The following NAALADL2 variants were observed in gnomAD, a reference collection of about 807,000 sequenced individuals.
NAALADL2 encodes the protein N-acetylated alpha-linked acidic dipeptidase like 2, also known as inactive N-acetylated-alpha-linked acidic dipeptidase-like protein 2.
A neutral mutation model predicts 87.2 loss-of-function variants in NAALADL2; 76 were observed. The ratio of observed to expected loss-of-function variants is 0.87; its 90% CI spans 0.72 to 1.05. The LOEUF (loss-of-function observed/expected upper bound fraction) is 1.05. Ranked by LOEUF, NAALADL2 falls within the 50% of genes least tolerant of loss-of-function variation. NAALADL2 has a pLI of 0.00. For synonymous variants in NAALADL2, 354 were observed against 331.0 expected (o/e 1.07, Z -0.75); for missense variants, 1,089 against 945.8 (o/e 1.15, Z -1.99).
At chr3:174,472,594 G>A (rs1480770536) in intron 1 of NAALADL2, among the ~76,000 whole-genome samples, 1 of 152,166 alleles carries the variant, frequency 6.6e-6, no homozygotes, top group Non-Finnish European at 1.5e-5. Context: ...ATTTCATCAA[G>A]TGTGAGGACA....
chr3:174,739,404 G>A (rs1374667356), intron 3 of NAALADL2, among the ~76,000 whole-genome samples: 1 of 152,024 alleles, frequency 6.6e-6, no homozygotes, highest in East Asian at 1.9e-4. Flanking sequence ...GGAGTCACAT[G>A]TGTTATTTTA....
At chr3:174,561,201 CT>C (rs200957982) in intron 2 of NAALADL2, among the ~76,000 whole-genome samples, 26,539 of 130,516 alleles carry the variant, frequency 0.2, 2,042 homozygotes, top group Middle Eastern at 0.23. Flanking sequence ...AATAGGATTC[CT>C]TTTTTTTTTT....
intron 2 of NAALADL2, among the ~76,000 whole-genome samples, chr3:174,592,537 C>T (rs1406945007): frequency 6.6e-6 from 1 of 152,102 alleles, no homozygotes; most frequent in African/African-American, 2.4e-5. Flanking sequence ...ATAGGACTTT[C>T]CCTTAGAATC....
intron 9 of NAALADL2, among the ~76,000 whole-genome samples, chr3:175,545,517 C>T (rs1354659924): frequency 6.6e-6 from 1 of 151,920 alleles, no homozygotes; most frequent in Non-Finnish European, 1.5e-5. Flanking sequence ...TTTGCAGACA[C>T]TTTCCCCCTT....
At chr3:175,069,096 C>T (rs1366680284) in intron 1 of NAALADL2, among the ~76,000 whole-genome samples, 2 of 151,710 alleles carry the variant, frequency 1.3e-5, no homozygotes, top group Non-Finnish European at 2.9e-5. Context: ...AGGACATAGG[C>T]ATGGGCAAGG....
chr3:174,745,159 G>A (rs1184298083), intron 3 of NAALADL2, among the ~76,000 whole-genome samples: 1 of 151,894 alleles, frequency 6.6e-6, no homozygotes, highest in Non-Finnish European at 1.5e-5. Flanking sequence ...GAGTCCAGGA[G>A]CTGGTTTTTG....
At chr3:175,130,826 A>C (rs1241092882) in intron 2 of NAALADL2, among the ~76,000 whole-genome samples, 1 of 152,182 alleles carries the variant, frequency 6.6e-6, no homozygotes, top group Non-Finnish European at 1.5e-5. Flanking sequence ...ATATAGTTTG[A>C]AATCAGGACA....
At chr3:175,338,519 C>T (rs896460777) in intron 5 of NAALADL2, among the ~76,000 whole-genome samples, 2 of 150,474 alleles carry the variant, frequency 1.3e-5, no homozygotes, top group African/African-American at 2.4e-5. Flanking sequence ...TATCAGGACC[C>T]CAGTTTTATA....
intron 4 of NAALADL2, 86 bp from the exon 5 acceptor site, chr3:175,324,089 T>A: frequency 1.1e-6 from 1 of 944,904 alleles, no homozygotes; most frequent in Non-Finnish European, 1.6e-6. Context: ...AAGAGTCATC[T>A]TATCATAGCC....
rs551669344 is a variant in NAALADL2, at chr3:175,077,776, A to T, written c.44-19014A>T. Among the ~76,000 whole-genome samples, 14 of 152,224 alleles carry T rather than the reference A, an allele frequency of 9.2e-5. No individual in the cohort carries two copies. The East Asian group carries it at 2.3e-3, about 25-fold the overall frequency. On this transcript the variant is annotated intron_variant, in intron 1 of 13. Transcript: ENST00000454872. ...AATGTTTTACTTTTTTAAAAATATA[A>T]TCATTATGGGTGTGCATGGTTCTTT...
At chr3:174,560,974 T>A (rs1229831709) in intron 2 of NAALADL2, among the ~76,000 whole-genome samples, 1 of 152,128 alleles carries the variant, frequency 6.6e-6, no homozygotes, top group Admixed American at 6.5e-5. Flanking sequence ...AACTTTTAAG[T>A]AACACCTGTT....
intron 1 of NAALADL2, among the ~76,000 whole-genome samples, chr3:174,449,767 TTA>T (rs1323089364): frequency 6.6e-6 from 1 of 152,192 alleles, no homozygotes; most frequent in Non-Finnish European, 1.5e-5. Flanking sequence ...TGTTGAAATT[TTA>T]TACTATAATA....
chr3:175,633,750 C>T (rs1728133032), intron 11 of NAALADL2, among the ~76,000 whole-genome samples: 1 of 151,580 alleles, frequency 6.6e-6, no homozygotes, highest in South Asian at 2.1e-4. Context: ...AAAAAAATTC[C>T]TTATTTTTCA....
chr3:175,611,274 C>G (rs770656737), intron 10 of NAALADL2, among the ~76,000 whole-genome samples: 5 of 152,086 alleles, frequency 3.3e-5, no homozygotes, highest in Non-Finnish European at 7.4e-5. Flanking sequence ...AATTTGCACA[C>G]TCAACTTTTT....
chr3:174,510,544 C>T (rs1370603902), intron 1 of NAALADL2, among the ~76,000 whole-genome samples: 1 of 151,734 alleles, frequency 6.6e-6, no homozygotes, highest in Non-Finnish European at 1.5e-5. Context: ...TCTCCTTATG[C>T]TTTTGATGCA....
At chr3:175,275,987 A>G (rs1303431317) in intron 4 of NAALADL2, among the ~76,000 whole-genome samples, 1 of 151,680 alleles carries the variant, frequency 6.6e-6, no homozygotes, top group East Asian at 1.9e-4. Context: ...AATCATTTTA[A>G]TGTTTTTTCT....
chr3:174,630,035 GTA>G (rs1198489782), intron 2 of NAALADL2, among the ~76,000 whole-genome samples: 1 of 152,072 alleles, frequency 6.6e-6, no homozygotes, highest in Non-Finnish European at 1.5e-5. Flanking sequence ...TTATGGCATA[GTA>G]CTTACTTTTT....
chr3:175,307,764 T>C (rs893811563), intron 4 of NAALADL2, among the ~76,000 whole-genome samples: 3 of 152,186 alleles, frequency 2.0e-5, no homozygotes, highest in African/African-American at 7.2e-5. Flanking sequence ...AGTATGTACT[T>C]AATTTGTATT....
intron 4 of NAALADL2, among the ~76,000 whole-genome samples, chr3:175,283,261 G>T (rs1251752945): frequency 1.3e-5 from 2 of 152,030 alleles, no homozygotes; most frequent in Non-Finnish European, 2.9e-5. Context: ...GACCAGGTAG[G>T]CAGGAAGCAC....
Sources: allele counts gnomAD v4.1 joint callset (sites outside exome capture counted in the v4.1 genomes callset), GRCh38; gene constraint gnomAD v4.1.1; transcripts MANE v1.5; gene names NCBI Gene and HGNC (gene_info 2026-07-23, HGNC 2026-07-21).